The following ESR1 variants were observed in gnomAD, a reference collection of about 807,000 sequenced individuals.
ESR1 encodes the protein estrogen receptor.
ESR1 carries 12 observed loss-of-function variants against 52.7 expected under a neutral mutation model. That is an observed-to-expected ratio of 0.23 (90% CI 0.15 to 0.37). The LOEUF is 0.37. ESR1 is among the 10% of genes least tolerant of loss of function. The pLI is 1.00. For missense variants in ESR1, 584 were observed against 779.7 expected, an observed-to-expected ratio of 0.75 and a Z score of 2.99; for synonymous variants, 305 against 316.8, an observed-to-expected ratio of 0.96 and a Z score of 0.39.
chr6:152,002,793 C>T (rs1488850345), intron 4 of ESR1, among the ~76,000 whole-genome samples: 1 of 151,944 alleles, frequency 6.6e-6, no homozygotes, highest in Non-Finnish European at 1.5e-5. Flanking sequence ...AATACAATTG[C>T]CTTTGCTGAA....
At chr6:151,974,017 T>C (rs2039183638) in intron 4 of ESR1, among the ~76,000 whole-genome samples, 1 of 152,200 alleles carries the variant, frequency 6.6e-6, no homozygotes, top group Non-Finnish European at 1.5e-5. Context: ...AAAGCAGCCA[T>C]AGATGATATG....
At position 151,926,705 on chromosome 6, in the gene ESR1, G is replaced by A. The variant is rs565946552; in HGVS notation, c.761-17468G>A. The stretch of plus-strand genomic sequence containing the variant: ...TATATTGACATTAGATCCTTTAACC[G>A]TGGCATCATTACTTATTAGTTCCAG... On this transcript the variant is annotated intron_variant, in intron 3 of 7. Coordinates refer to ENST00000206249, the MANE Select transcript of ESR1 (RefSeq NM_000125.4). Among the ~76,000 whole-genome samples the A allele has an allele frequency of 4.6e-4, 70 of 152,112 alleles. No individual in the cohort carries two copies. The South Asian group carries it at 5.2e-3, about 11-fold the overall frequency.
intron 3 of ESR1, among the ~76,000 whole-genome samples, chr6:151,919,056 G>A (rs1323150191): frequency 1.3e-5 from 2 of 152,128 alleles, no homozygotes; most frequent in Non-Finnish European, 2.9e-5. Flanking sequence ...TATCAAAGTT[G>A]TGTCATTAAT....
intron 3 of ESR1, among the ~76,000 whole-genome samples, chr6:151,921,638 G>C (rs1429633447): frequency 5.3e-5 from 8 of 152,180 alleles, no homozygotes; most frequent in Admixed American, 5.2e-4. Flanking sequence ...ATTCTGACTG[G>C]TGTGAGATGG....
chr6:151,682,845 T>A (rs1308214930), intron 1 of ESR1, among the ~76,000 whole-genome samples: 1 of 152,178 alleles, frequency 6.6e-6, no homozygotes, highest in Non-Finnish European at 1.5e-5. Flanking sequence ...CCCATGTGGA[T>A]GTTTGTGATG....
At chr6:151,999,593 C>T (rs1458547858) in intron 4 of ESR1, among the ~76,000 whole-genome samples, 1 of 152,062 alleles carries the variant, frequency 6.6e-6, no homozygotes, top group Non-Finnish European at 1.5e-5. Context: ...ATCTTGTTTG[C>T]CATGTAGGAT....
At chr6:151,837,224 C>T (rs955322283) in intron 1 of ESR1, among the ~76,000 whole-genome samples, 3 of 151,516 alleles carry the variant, frequency 2.0e-5, no homozygotes, top group South Asian at 2.1e-4. Flanking sequence ...CTCAGCCTCC[C>T]GAGTAGCTGG....
intron 2 of ESR1, among the ~76,000 whole-genome samples, chr6:151,749,511 G>T (rs1394684232): frequency 6.6e-6 from 1 of 152,168 alleles, no homozygotes; most frequent in East Asian, 1.9e-4. Flanking sequence ...TGGAACACCA[G>T]AACTGATTCC....
chr6:151,987,301 C>G (rs2040582826), intron 4 of ESR1, among the ~76,000 whole-genome samples: 1 of 152,078 alleles, frequency 6.6e-6, no homozygotes, highest in African/African-American at 2.4e-5. Context: ...CTCTGTTGCC[C>G]AGGCTGGAGT....
intron 2 of ESR1, among the ~76,000 whole-genome samples, chr6:151,873,064 G>A (rs919906288): frequency 3.3e-5 from 5 of 152,148 alleles, no homozygotes; most frequent in African/African-American, 1.2e-4. Flanking sequence ...CGGAACACTT[G>A]GTGGTCAGAC....
intron 2 of ESR1, among the ~76,000 whole-genome samples, chr6:151,772,597 C>A (rs1453755593): frequency 6.6e-6 from 1 of 152,092 alleles, no homozygotes; most frequent in Non-Finnish European, 1.5e-5. Flanking sequence ...TTGAGGGGAG[C>A]TTTGAGTGCA....
chr6:151,936,929 C>G (rs1160256995), intron 3 of ESR1, among the ~76,000 whole-genome samples: 1 of 151,972 alleles, frequency 6.6e-6, no homozygotes, highest in Non-Finnish European at 1.5e-5. Context: ...AGAGTGGGGT[C>G]CAAGATTCAC....
At chr6:151,856,134 A>G (rs1440998230) in intron 2 of ESR1, among the ~76,000 whole-genome samples, 1 of 152,184 alleles carries the variant, frequency 6.6e-6, no homozygotes, top group Non-Finnish European at 1.5e-5. Context: ...TGAGTGATGT[A>G]CTATTTTAAC....
intron 3 of ESR1, among the ~76,000 whole-genome samples, chr6:151,931,602 CT>C (rs2033617366): frequency 8.3e-6 from 1 of 121,078 alleles, no homozygotes; most frequent in African/African-American, 3.1e-5. Context: ...TCCCTCCCCC[CT>C]CCCCCCACCC....
intron 4 of ESR1, among the ~76,000 whole-genome samples, chr6:151,967,725 G>C (rs1164025890): frequency 6.6e-6 from 1 of 152,136 alleles, no homozygotes; most frequent in Non-Finnish European, 1.5e-5. Flanking sequence ...GGGTCAAATG[G>C]TATTTCTGGT....
chr6:152,018,784 A>G (rs1201896278), intron 5 of ESR1, among the ~76,000 whole-genome samples: 2 of 151,922 alleles, frequency 1.3e-5, no homozygotes, highest in Non-Finnish European at 2.9e-5. Flanking sequence ...TACCTCAAGA[A>G]CTTTGTTCAT....
intron 4 of ESR1, among the ~76,000 whole-genome samples, chr6:151,946,754 T>C (rs572456644): frequency 6.6e-6 from 1 of 152,290 alleles, no homozygotes; most frequent in Admixed American, 6.5e-5. Context: ...AAAGGCCTAC[T>C]TGCCTGACCA....
At position 151,826,352 on chromosome 6, in the gene ESR1, T is replaced by C. The variant is rs192472153; in HGVS notation, c.453-16245T>C. On this transcript the variant is annotated intron_variant, in intron 1 of 7. Coordinates refer to ENST00000206249, the MANE Select transcript of ESR1 (RefSeq NM_000125.4). ...GAGCCTTATATTCAGAGATTTTAGG[T>C]TGCTTCTGATTCCGCTGTCTAGACA... Among the ~76,000 whole-genome samples, 711 of 152,326 alleles carry C rather than the reference T, an allele frequency of 4.7e-3. 4 individuals carry two copies. Among genetic ancestry groups the C allele is most frequent in the African/African-American group, 0.017 (686 of 41,570 alleles).
At position 151,849,994 on chromosome 6, in the gene ESR1, A is replaced by ATATAATTTTTATATATATATACAAAAT. The variant is rs1554268084; in HGVS notation, c.643+7211_643+7212insATTTTTATATATATATACAAAATTATA. Among the ~76,000 whole-genome samples the ATATAATTTTTATATATATATACAAAAT allele has an allele frequency of 6.2e-4, 65 of 105,074 alleles. No homozygotes were observed. The East Asian group carries it at 8.1e-3, about 13-fold the overall frequency. The allele number at this position is 105,074 out of a possible 152,430, so 68.9% of individuals were successfully genotyped here. A position where few individuals can be genotyped will look rare whatever the true frequency, so the allele number is the denominator to read the frequency against. ...CCTAGGGAATTATATATATATATATATATATATATATAATTTTGTATATAT... is the reference window on the plus strand; with the variant it reads ...CCTAGGGAATTATATATATATATATATATAATTTTTATATATATATACAAAATTATATATATATAATTTTGTATATAT... On this transcript the variant is annotated intron_variant, in intron 2 of 7. Coordinates refer to ENST00000206249, the MANE Select transcript of ESR1 (RefSeq NM_000125.4).
Sources: allele counts gnomAD v4.1 joint callset (sites outside exome capture counted in the v4.1 genomes callset), GRCh38; gene constraint gnomAD v4.1.1; transcripts MANE v1.5; gene names NCBI Gene and HGNC (gene_info 2026-07-23, HGNC 2026-07-21).